ST3GAL3: variants seen among roughly 807,000 people sequenced by gnomAD.
ST3GAL3 encodes the protein ST3 beta-galactoside alpha-2,3-sialyltransferase 3, also known as CMP-N-acetylneuraminate-beta-1,4-galactoside alpha-2,3-sialyltransferase.
A neutral mutation model predicts 50.1 loss-of-function variants in ST3GAL3; 21 were observed. The ratio of observed to expected loss-of-function variants is 0.42; its 90% confidence interval spans 0.30 to 0.60. The LOEUF is 0.60. ST3GAL3 is among the 20% of genes least tolerant of loss of function. The probability of loss-of-function intolerance (pLI) is 0.19; values close to 1 mark genes in which losing one functional copy is unlikely to be tolerated. For synonymous variants in ST3GAL3, 183 were observed against 190.0 expected (o/e 0.96, Z 0.30); for missense variants, 353 against 489.4 (o/e 0.72, Z 2.63).
chr1:43,771,143 A>G (rs1051579890), intron 2 of ST3GAL3, among the ~76,000 whole-genome samples: 1 of 151,940 alleles, frequency 6.6e-6, no homozygotes, highest in Admixed American at 6.6e-5. Context: ...TTCATCCTCT[A>G]TTTTGTCATG....
intron 9 of ST3GAL3, among the ~76,000 whole-genome samples, chr1:43,904,768 G>C: frequency 1.7e-5 from 2 of 117,926 alleles, no homozygotes; most frequent in Non-Finnish European, 1.7e-5. Flanking sequence ...CCCTCCTCCT[G>C]CTCCTCTTCC....
In ST3GAL3 at chr1:43,901,107, T is replaced by C. The variant is rs1377846796; in HGVS notation, c.744+1380T>C. Among the ~76,000 whole-genome samples, 5 of 152,302 alleles carry C rather than the reference T, an allele frequency of 3.3e-5. No homozygotes were observed. In the East Asian group the frequency reaches 9.6e-4, roughly 29 times the overall value. ...GTCCCTCTCTTTGCCTTGAGGGCAG[T>C]AGAATTAGGGTCACAGATAGACACT... On this transcript the variant is annotated intron_variant, in intron 9 of 11. Transcript: ENST00000347631.
In ST3GAL3 at chr1:43,763,678, T is replaced by C. The variant is rs373602455; in HGVS notation, c.118+27298T>C. Among the ~76,000 whole-genome samples the C allele has an allele frequency of 1.3e-4, 20 of 152,314 alleles. 1 individual carries two copies. In the South Asian group the frequency reaches 4.1e-3, roughly 32 times the overall value. ...GACAGATTAGCGCTGGAATGACTTC[T>C]GGCAAAATCCTGCATGGAGTAGTTC... On this transcript the variant is annotated intron_variant, in intron 2 of 11. Transcript: ENST00000347631.
At chr1:43,845,263 G>A (rs907360297) in intron 5 of ST3GAL3, among the ~76,000 whole-genome samples, 1 of 152,044 alleles carries the variant, frequency 6.6e-6, no homozygotes, top group Non-Finnish European at 1.5e-5. Flanking sequence ...AATTACAGAT[G>A]TGAGCCACTG....
intron 5 of ST3GAL3, among the ~76,000 whole-genome samples, chr1:43,866,677 G>T (rs1187374920): frequency 6.6e-6 from 1 of 152,092 alleles, no homozygotes; most frequent in Admixed American, 6.6e-5. Context: ...CTGAGAACAT[G>T]ATGCACATAA....
chr1:43,813,665 C>G (rs971528566), intron 3 of ST3GAL3, among the ~76,000 whole-genome samples: 5 of 152,158 alleles, frequency 3.3e-5, no homozygotes, highest in African/African-American at 4.8e-5. Flanking sequence ...TGCAGAACGA[C>G]TCCTGGGAGG....
At chr1:43,752,372 AG>A (rs1427196601) in intron 2 of ST3GAL3, among the ~76,000 whole-genome samples, 1 of 152,214 alleles carries the variant, frequency 6.6e-6, no homozygotes, top group East Asian at 1.9e-4. Context: ...CTTTAACTAA[AG>A]GTTTCCTGTC....
chr1:43,890,935 G>T lies in ST3GAL3; in HGVS notation c.303-3448G>T, dbSNP rs186479790. ...CAACTGGGAAAATATGGAATATGGG[G>T]CATTCTACAGGACAAATAGCCTGTA... On this transcript the variant is annotated intron_variant, in intron 5 of 11. Transcript: ENST00000347631. Among the ~76,000 whole-genome samples, 27 of 152,206 alleles carry T rather than the reference G, an allele frequency of 1.8e-4. No homozygotes were observed. The East Asian group carries it at 4.6e-3, about 26-fold the overall frequency.
chr1:43,771,590 C>A (rs955450430), intron 2 of ST3GAL3, among the ~76,000 whole-genome samples: 1 of 152,200 alleles, frequency 6.6e-6, no homozygotes, highest in Admixed American at 6.5e-5. Context: ...ATCTCCTGAC[C>A]TTGTGATCTG....
chr1:43,731,378 ATTTTTTTT>A (rs4019073), intron 1 of ST3GAL3, among the ~76,000 whole-genome samples: 4 of 69,860 alleles, frequency 5.7e-5, no homozygotes, highest in East Asian at 4.5e-4. Context: ...CACCCAGCTA[ATTTTTTTT>A]TTTTTTTTTT....
At chr1:43,849,495 T>C (rs1413115615) in intron 5 of ST3GAL3, among the ~76,000 whole-genome samples, 1 of 152,260 alleles carries the variant, frequency 6.6e-6, no homozygotes, top group Non-Finnish European at 1.5e-5. Context: ...ATAATTCTTA[T>C]AGACATTCAG....
At chr1:43,844,754 G>C (rs1340303702) in intron 5 of ST3GAL3, among the ~76,000 whole-genome samples, 5 of 151,954 alleles carry the variant, frequency 3.3e-5, no homozygotes, top group Non-Finnish European at 5.9e-5. Flanking sequence ...GTGAACCCGG[G>C]AGGCAGAGCT....
At chr1:43,920,069 C>T in intron 9 of ST3GAL3, 2 of 389,284 alleles carry the variant, frequency 5.1e-6, no homozygotes, top group Non-Finnish European at 4.9e-6. Flanking sequence ...GGCAGCTGCA[C>T]TGCTGGGTCT....
intron 5 of ST3GAL3, among the ~76,000 whole-genome samples, chr1:43,883,040 C>T (rs2075413063): frequency 6.6e-6 from 1 of 152,020 alleles, no homozygotes; most frequent in African/African-American, 2.4e-5. Flanking sequence ...TAGCTCACTG[C>T]AGCCTCGACC....
At chr1:43,917,544 GTATTA>G (rs2082130115) in intron 9 of ST3GAL3, among the ~76,000 whole-genome samples, 2 of 67,274 alleles carry the variant, frequency 3.0e-5, no homozygotes, top group Admixed American at 2.6e-4. Context: ...AATATATTAT[GTATTA>G]TATATAATAT....
At chr1:43,872,474 A>G (rs1393854108) in intron 5 of ST3GAL3, among the ~76,000 whole-genome samples, 1 of 151,838 alleles carries the variant, frequency 6.6e-6, no homozygotes, top group Non-Finnish European at 1.5e-5. Flanking sequence ...AGGGCATGGC[A>G]GATACCAAAA....
chr1:43,763,012 T>A (rs1691132309), intron 2 of ST3GAL3, among the ~76,000 whole-genome samples: 1 of 152,160 alleles, frequency 6.6e-6, no homozygotes, highest in East Asian at 1.9e-4. Context: ...GACCCAGCAT[T>A]TCCACTTCTA....
intron 5 of ST3GAL3, among the ~76,000 whole-genome samples, chr1:43,852,751 T>G (rs796339616): frequency 6.6e-6 from 1 of 152,254 alleles, no homozygotes; most frequent in African/African-American, 2.4e-5. Context: ...CTGAAAGTTC[T>G]CACAGCTTTC....
At chr1:43,713,576 A>ACC (rs2154060008) in intron 1 of ST3GAL3, among the ~76,000 whole-genome samples, 1 of 127,174 alleles carries the variant, frequency 7.9e-6, no homozygotes, top group East Asian at 2.6e-4. Context: ...CCCAGGCTGG[A>ACC]GTGCACTGGC....
Sources: allele counts gnomAD v4.1 joint callset (sites outside exome capture counted in the v4.1 genomes callset), GRCh38; gene constraint gnomAD v4.1.1; transcripts MANE v1.5; gene names NCBI Gene and HGNC (gene_info 2026-07-23, HGNC 2026-07-21).